Variants in ADK observed in about 807,000 individuals in gnomAD.
ADK encodes adenosine kinase, also known as N6,N6-dimethyladenosine kinase.
In ADK, 24 loss-of-function variants were observed where a neutral mutation model predicts 44.7. That is an observed-to-expected ratio of 0.54 (90% CI 0.39 to 0.76). The LOEUF is 0.76. Among genes scored for constraint, ADK ranks in the 30% least tolerant of loss-of-function variants. The probability of loss-of-function intolerance (pLI) is 0.00; values close to 1 mark genes in which losing one functional copy is unlikely to be tolerated. For synonymous variants in ADK, 128 were observed against 142.6 expected, an observed-to-expected ratio of 0.90 and a Z score of 0.73; for missense variants, 321 against 425.1, an observed-to-expected ratio of 0.76 and a Z score of 2.15.
Position 74,362,054 on chromosome 10 carries a change from G to A in ADK, c.274-32087G>A, listed in dbSNP as rs780517388. The stretch of plus-strand genomic sequence containing the variant: ...TGTGTCCTAGAGTAGTCTTCTTTGT[G>A]TTTAATCTAATTAGTGATCTTTGAC... On this transcript the variant is annotated intron_variant, in intron 4 of 10. Coordinates refer to ENST00000539909, the MANE Select transcript of ADK (RefSeq NM_006721.4). Among the ~76,000 whole-genome samples, 12 of 152,108 alleles carry A rather than the reference G, an allele frequency of 7.9e-5. 1 individual carries two copies. The South Asian group carries it at 1.7e-3, about 21-fold the overall frequency.
chr10:74,328,965 G>A (rs1362689499), intron 4 of ADK, among the ~76,000 whole-genome samples: 1 of 151,784 alleles, frequency 6.6e-6, no homozygotes, highest in Non-Finnish European at 1.5e-5. Context: ...ATTGTGACAA[G>A]TTAATGGGTG....
At chr10:74,371,662 G>C in intron 4 of ADK, 1 of 1,032,726 alleles carries the variant, frequency 9.7e-7, no homozygotes, top group Non-Finnish European at 1.5e-6. Context: ...ATAAGGAAAA[G>C]TGATGGCATC....
chr10:74,380,789 A>C (rs1195278005), intron 4 of ADK, among the ~76,000 whole-genome samples: 1 of 152,114 alleles, frequency 6.6e-6, no homozygotes. Flanking sequence ...TTTAGCTATT[A>C]GCTTCTAGGC....
intron 9 of ADK, chr10:74,655,536 C>T (rs1854451177): frequency 4.4e-5 from 22 of 502,774 alleles, no homozygotes; most frequent in South Asian, 3.5e-4. Context: ...AACAATGAAC[C>T]AGATGTTAAA....
intron 9 of ADK, among the ~76,000 whole-genome samples, chr10:74,634,069 G>A (rs1853535057): frequency 6.6e-6 from 1 of 152,150 alleles, no homozygotes; most frequent in Admixed American, 6.5e-5. Flanking sequence ...ACTTAATAAA[G>A]ATGTCTCATT....
At chr10:74,573,800 C>A (rs1345302353) in intron 7 of ADK, among the ~76,000 whole-genome samples, 1 of 152,214 alleles carries the variant, frequency 6.6e-6, no homozygotes, top group East Asian at 1.9e-4. Context: ...GGGCGTAGGA[C>A]CCTCCGAGCC....
intron 5 of ADK, 54 bp downstream of exon 5, chr10:74,394,367 A>G: frequency 6.5e-7 from 1 of 1,542,220 alleles, no homozygotes; most frequent in Non-Finnish European, 8.9e-7. Flanking sequence ...TAACACTGGT[A>G]AAATATGAAT....
At chr10:74,223,307 C>G (rs534602790) in intron 2 of ADK, among the ~76,000 whole-genome samples, 1 of 152,222 alleles carries the variant, frequency 6.6e-6, no homozygotes, top group South Asian at 2.1e-4. Context: ...ACCCATTAAT[C>G]CATGAATGGA....
intron 9 of ADK, among the ~76,000 whole-genome samples, chr10:74,608,625 G>A (rs11001080): frequency 0.064 from 9,757 of 152,136 alleles, 518 homozygotes; most frequent in African/African-American, 0.13. Flanking sequence ...AGGGGCACCC[G>A]CCAGATGCCA....
At chr10:74,216,068 C>A (rs1844005582) in intron 2 of ADK, among the ~76,000 whole-genome samples, 1 of 151,994 alleles carries the variant, frequency 6.6e-6, no homozygotes, top group Non-Finnish European at 1.5e-5. Flanking sequence ...ATTTTATAGT[C>A]CTTTCTGTCT....
At chr10:74,456,206 A>T (rs1404086414) in intron 6 of ADK, among the ~76,000 whole-genome samples, 1 of 152,052 alleles carries the variant, frequency 6.6e-6, no homozygotes, top group Non-Finnish European at 1.5e-5. Context: ...ACATCTACAG[A>T]ACTCTCCACC....
chr10:74,432,601 C>G (rs1235546232), intron 6 of ADK, among the ~76,000 whole-genome samples: 4 of 152,076 alleles, frequency 2.6e-5, no homozygotes, highest in Non-Finnish European at 5.9e-5. Flanking sequence ...TTCATCAGTT[C>G]CATGCATACA....
At chr10:74,480,230 T>C (rs11001050) in intron 6 of ADK, among the ~76,000 whole-genome samples, 15 of 53,622 alleles carry the variant, frequency 2.8e-4, no homozygotes, top group Non-Finnish European at 5.7e-4. Context: ...TTCTTTCTTT[T>C]TTTTTTTTTT....
Position 74,279,860 on chromosome 10 carries a change from C to T in ADK, c.195-34807C>T, listed in dbSNP as rs1274226903. Among the ~76,000 whole-genome samples, 5 of 151,936 alleles carry T rather than the reference C, an allele frequency of 3.3e-5. No homozygotes were observed. In the East Asian group the frequency reaches 5.8e-4, roughly 18 times the overall value. On this transcript the variant is annotated intron_variant, in intron 3 of 10. Coordinates refer to ENST00000539909, the MANE Select transcript of ADK (RefSeq NM_006721.4). Reference sequence around the variant, plus strand: ...CAGCCCAGGCAATGTAGGGAGACCCCGTCTCTAAAAAAGAAAAATTAAACT... The same window carrying T: ...CAGCCCAGGCAATGTAGGGAGACCCTGTCTCTAAAAAAGAAAAATTAAACT...
intron 3 of ADK, among the ~76,000 whole-genome samples, chr10:74,273,984 A>C (rs905128228): frequency 2.2e-4 from 33 of 152,150 alleles, no homozygotes; most frequent in African/African-American, 7.5e-4. Context: ...TGAAAATTAA[A>C]GGTTTTTCTC....
At chr10:74,272,037 AGAT>A (rs1846451835) in intron 3 of ADK, among the ~76,000 whole-genome samples, 1 of 152,150 alleles carries the variant, frequency 6.6e-6, no homozygotes, top group African/African-American at 2.4e-5. Flanking sequence ...TATGATGTGT[AGAT>A]GATTTGTTTA....
intron 8 of ADK, among the ~76,000 whole-genome samples, chr10:74,595,708 T>C (rs769268992): frequency 1 from 122,435 of 122,494 alleles, 61,188 homozygotes; most frequent in Middle Eastern, 1. Flanking sequence ...AAAAATAGGC[T>C]ATATGGCCGG....
chr10:74,398,732 A>G (rs1843610425), intron 6 of ADK, among the ~76,000 whole-genome samples, 153 bp downstream of exon 6: 1 of 152,134 alleles, frequency 6.6e-6, no homozygotes, highest in African/African-American at 2.4e-5. Flanking sequence ...TTGTGAAAAT[A>G]GAACAGAAAT....
chr10:74,309,516 T>C (rs1371498657), intron 3 of ADK, among the ~76,000 whole-genome samples: 1 of 152,186 alleles, frequency 6.6e-6, no homozygotes, highest in Non-Finnish European at 1.5e-5. Context: ...ACCTTCAGAA[T>C]TGCTAGGAGA....
Sources: gnomAD v4.1 joint callset for allele counts (sites outside exome capture counted in the v4.1 genomes callset) on GRCh38, gnomAD v4.1.1 for gene constraint, MANE v1.5 for transcripts, NCBI Gene and HGNC (gene_info 2026-07-23, HGNC 2026-07-21) for gene names.